LCORL: variants seen among roughly 807,000 people sequenced by gnomAD.
LCORL encodes ligand dependent nuclear receptor corepressor like.
LCORL carries 41 observed loss-of-function variants against 141.8 expected under a neutral mutation model. The observed-to-expected ratio is 0.29, with a 90% CI of 0.23 to 0.38. The LOEUF is 0.38. Ranked by LOEUF, LCORL falls within the 10% of genes least tolerant of loss-of-function variation. The pLI is 1.00. For missense variants in LCORL, 1,759 were observed against 2,035.0 expected (o/e 0.86, Z 2.61); for synonymous variants, 618 against 694.1 (o/e 0.89, Z 1.72).
chr4:17,967,052 C>T (rs1715026768), intron 2 of LCORL, among the ~76,000 whole-genome samples: 1 of 152,130 alleles, frequency 6.6e-6, no homozygotes, highest in Non-Finnish European at 1.5e-5. Flanking sequence ...AATAAGCAAA[C>T]TGTGGGTACA....
intron 4 of LCORL, among the ~76,000 whole-genome samples, chr4:17,943,374 T>C (rs774806567): frequency 1.3e-5 from 2 of 152,182 alleles, no homozygotes; most frequent in Non-Finnish European, 2.9e-5. Flanking sequence ...GCATTAATAA[T>C]TGAGCAATAA....
At chr4:17,901,059 T>C (rs1730787763) in intron 5 of LCORL, among the ~76,000 whole-genome samples, 1 of 152,144 alleles carries the variant, frequency 6.6e-6, no homozygotes, top group African/African-American at 2.4e-5. Flanking sequence ...AGAAATGTAT[T>C]GTTCTTTTTT....
Position 17,981,270 on chromosome 4 carries a change from C to T in LCORL, c.155-8385G>A, listed in dbSNP as rs370727437. 2.1e-4 allele frequency among the ~76,000 whole-genome samples: 32 copies of T among 152,198 alleles called. 1 individual carries two copies. The South Asian group carries it at 3.7e-3, about 18-fold the overall frequency. On this transcript the variant is annotated intron_variant, in intron 1 of 7. Transcript: ENST00000635767. ...AGTATGAATATTTTAAACTTTACTA[C>T]AATAAATATTGCATCATATGGCTGA...
At chr4:17,947,976 TAG>T (rs1311406464) in intron 4 of LCORL, among the ~76,000 whole-genome samples, 1 of 151,930 alleles carries the variant, frequency 6.6e-6, no homozygotes, top group African/African-American at 2.4e-5. Context: ...AAAGATGATT[TAG>T]AGTTTATCAA....
intron 7 of LCORL, among the ~76,000 whole-genome samples, chr4:17,868,889 T>G (rs575820845): frequency 6.6e-6 from 1 of 152,208 alleles, no homozygotes; most frequent in Non-Finnish European, 1.5e-5. Flanking sequence ...CTATATTTCT[T>G]GAGACAGCTA....
intron 2 of LCORL, among the ~76,000 whole-genome samples, chr4:17,970,696 C>T (rs777886700): frequency 1.1e-4 from 17 of 152,150 alleles, no homozygotes; most frequent in Non-Finnish European, 2.1e-4. Flanking sequence ...GTTTGAGAAC[C>T]TCAAAGGCCT....
In LCORL at chr4:18,021,686, A is replaced by AGCAGCG; in HGVS notation, c.65_66insCGCTGC (p.Ala21_Ala22dup). ...CCGCGCACCGAGGGCTCCGGCACTG[A>AGCAGCG]GCGGCGGCGGCGGCGGCGGCAGCAG... is the stretch of plus-strand genomic sequence containing the variant. On this transcript the variant is annotated inframe_insertion, in exon 1 of 8. Transcript: ENST00000635767. The surrounding 1 kb of genome is among the most constrained non-coding windows in gnomAD (Gnocchi z 5.5). 2 of 1,533,502 alleles carry AGCAGCG rather than the reference A, an allele frequency of 1.3e-6. No individual in the cohort carries two copies. The highest frequency in any genetic ancestry group is 2.4e-5 in the South Asian group (2 of 82,736). The allele number at this position is 1,533,502 out of a possible 1,614,324, so 95.0% of individuals were successfully genotyped here. A position where few individuals can be genotyped will look rare whatever the true frequency, so the allele number is the denominator to read the frequency against.
chr4:18,002,172 GT>G (rs760439681), intron 1 of LCORL, among the ~76,000 whole-genome samples: 6 of 152,124 alleles, frequency 3.9e-5, no homozygotes, highest in African/African-American at 4.8e-5. Context: ...CTACCCATTA[GT>G]TACATCACTG....
chr4:17,843,698 T>C (rs1435646083), exon 8 of LCORL: 1 of 234,290 alleles, frequency 4.3e-6, no homozygotes, highest in Non-Finnish European at 8.5e-6. Flanking sequence ...CAAGTGATTC[T>C]TATGAACTCT....
chr4:17,890,729 T>C (rs1017160339), intron 5 of LCORL, among the ~76,000 whole-genome samples: 2 of 152,118 alleles, frequency 1.3e-5, no homozygotes, highest in African/African-American at 4.8e-5. Flanking sequence ...TAATTGTCTA[T>C]ATAACACTAC....
At chr4:17,852,060 C>T (rs1419503593) in intron 7 of LCORL, among the ~76,000 whole-genome samples, 2 of 152,078 alleles carry the variant, frequency 1.3e-5, no homozygotes, top group East Asian at 3.8e-4. Flanking sequence ...CCACCCTATC[C>T]AGTTTATTAG....
rs1012761685 is a variant in LCORL at position 17,876,521 on chromosome 4, G to C, written c.2469C>G (p.Asp823Glu). The C allele has an allele frequency of 8.1e-6, 10 of 1,230,682 alleles. No homozygotes were observed. In the African/African-American group the frequency reaches 1.6e-4, roughly 19 times the overall value. The allele number at this position is 1,230,682 out of a possible 1,614,324, so 76.2% of individuals were successfully genotyped here. A position where few individuals can be genotyped will look rare whatever the true frequency, so the allele number is the denominator to read the frequency against. ...TAGAATTCATTGCAATTTTGTTTAGGTCTATATTGTGTGAGCTTTCAATGT... is the reference window on the plus strand; with the variant it reads ...TAGAATTCATTGCAATTTTGTTTAGCTCTATATTGTGTGAGCTTTCAATGT... Residue 823 changes from aspartate (D) to glutamate (E), a missense_variant, in exon 7 of 8, where the codon GAC becomes GAG. Physicochemically the swap from Asp to Glu is conservative, Grantham distance 45. Coordinates refer to ENST00000635767, the Ensembl canonical transcript of LCORL.
chr4:17,979,276 T>A (rs1347148881), intron 1 of LCORL, among the ~76,000 whole-genome samples: 1 of 152,144 alleles, frequency 6.6e-6, no homozygotes, highest in African/African-American at 2.4e-5. Flanking sequence ...AAATCATTAG[T>A]TTCCTTCTTC....
intron 1 of LCORL, among the ~76,000 whole-genome samples, chr4:17,999,446 C>T (rs1721557061): frequency 2.0e-5 from 3 of 149,590 alleles, no homozygotes; most frequent in East Asian, 3.9e-4. Context: ...AGCAAGACTC[C>T]GTCTCACAAA....
chr4:17,912,292 C>T, intron 4 of LCORL: 1 of 683,066 alleles, frequency 1.5e-6, no homozygotes, highest in East Asian at 3.0e-5. Context: ...TTGGCTGCAG[C>T]TGGAGACACA....
chr4:18,021,622 G>A lies in LCORL; in HGVS notation c.130C>T (p.Arg44Cys). ...CCTACACAGTGCATGAGGCGGTGGC[G>A]CCAAGAGTCGAGTTCCCGCCGGAAT... The change falls in exon 1 of 8, where the codon CGC (arginine) becomes TGC (cysteine). Residue 44 changes from arginine to cysteine, a missense_variant. Arg to Cys is a radical substitution (Grantham distance 180). Coordinates refer to ENST00000635767, the Ensembl canonical transcript of LCORL. This position sits in a 1 kb window ranked among gnomAD's most constrained non-coding sequence, Gnocchi z 5.5. 1 of 1,545,610 alleles carries A rather than the reference G, an allele frequency of 6.5e-7. No individual in the cohort carries two copies.
intron 2 of LCORL, among the ~76,000 whole-genome samples, chr4:17,968,350 A>G (rs1252234189): frequency 6.6e-6 from 1 of 152,244 alleles, no homozygotes; most frequent in Non-Finnish European, 1.5e-5. Flanking sequence ...TCATCAATTC[A>G]TATTAGAAAA....
chr4:17,891,652 T>C (rs893663682), intron 5 of LCORL, among the ~76,000 whole-genome samples: 9 of 152,134 alleles, frequency 5.9e-5, no homozygotes. Flanking sequence ...AAAAATCTGA[T>C]ATACAGATGA....
At chr4:17,853,072 T>C (rs78340382) in intron 7 of LCORL, among the ~76,000 whole-genome samples, 4 of 120,050 alleles carry the variant, frequency 3.3e-5, no homozygotes, top group Non-Finnish European at 7.4e-5. Context: ...TTTTTTTTTT[T>C]AACAATACAA....
Sources: allele counts gnomAD v4.1 joint callset (sites outside exome capture counted in the v4.1 genomes callset), GRCh38; gene constraint gnomAD v4.1.1; non-coding constraint Gnocchi (gnomAD v3.1); transcripts MANE v1.5; gene names NCBI Gene and HGNC (gene_info 2026-07-23, HGNC 2026-07-21).